The following PRNP variants were observed in gnomAD, a reference collection of about 807,000 sequenced individuals.
PRNP encodes major prion protein.
A neutral mutation model predicts 21.3 loss-of-function variants in PRNP; 15 were observed. That is an observed-to-expected ratio of 0.71 (90% CI 0.47 to 1.09). PRNP has a LOEUF of 1.09. PRNP is among the 50% of genes least tolerant of loss of function. The pLI, the probability that PRNP is intolerant of heterozygous loss-of-function variation, is 0.00. For synonymous variants in PRNP, 121 were observed against 123.1 expected, an observed-to-expected ratio of 0.98 and a Z score of 0.11; for missense variants, 285 against 340.9, an observed-to-expected ratio of 0.84 and a Z score of 1.29.
At position 4,699,634 on chromosome 20, in the gene PRNP, C is replaced by G. The variant is rs977801755; in HGVS notation, c.414C>G (p.Ile138Met). 8.1e-6 allele frequency: 13 copies of G among 1,614,094 alleles called. No individual in the cohort carries two copies. Among genetic ancestry groups the G allele is most frequent in the Non-Finnish European group, 1.0e-5 (12 of 1,180,010 alleles). ...YMLGSAMSRP[I>M]IHFGSDYEDR... ...TGGGAAGTGCCATGAGCAGGCCCAT[C>G]ATACATTTCGGCAGTGACTATGAGG... is the stretch of plus-strand genomic sequence containing the variant. The change falls in exon 2 of 2, where the codon ATC becomes ATG. Residue 138 changes from isoleucine (I) to methionine (M), a missense_variant. Ile to Met is a conservative substitution (Grantham distance 10). Transcript: ENST00000379440. This position sits in a 1 kb window ranked among gnomAD's most constrained non-coding sequence, Gnocchi z 5.8.
chr20:4,687,366 T>C (rs1199291221), intron 1 of PRNP, among the ~76,000 whole-genome samples: 1 of 152,172 alleles, frequency 6.6e-6, no homozygotes, highest in Admixed American at 6.5e-5. Context: ...GGACCCCAGC[T>C]TGGCCAGTCA....
intron 1 of PRNP, among the ~76,000 whole-genome samples, chr20:4,695,815 A>G (rs905141139): frequency 6.6e-6 from 1 of 152,224 alleles, no homozygotes; most frequent in African/African-American, 2.4e-5. Context: ...TTTCACATGT[A>G]AGTCTTGGAT....
chr20:4,693,575 C>G (rs2122211609), intron 1 of PRNP, among the ~76,000 whole-genome samples: 1 of 152,232 alleles, frequency 6.6e-6, no homozygotes, highest in South Asian at 2.1e-4. Context: ...CCCTCATGAT[C>G]TGACCCTCAC....
At chr20:4,693,455 G>A (rs76661860) in intron 1 of PRNP, among the ~76,000 whole-genome samples, 6,474 of 152,236 alleles carry the variant, frequency 0.043, 201 homozygotes, top group African/African-American at 0.087. Context: ...ATAGGCTTGA[G>A]CTGAGCTTTT....
rs141346482 is a variant in PRNP, at chr20:4,690,451, G to T, written c.-11+3939G>T. On this transcript the variant is annotated intron_variant, in intron 1 of 1. Coordinates refer to ENST00000379440, the MANE Select transcript of PRNP (RefSeq NM_000311.5). The stretch of plus-strand genomic sequence containing the variant: ...ATCTATAAATGGGAATAAGATGAAC[G>T]GGGTAATTTATAGATTTTTTAGTAC... Among the ~76,000 whole-genome samples, 373 of 152,226 alleles carry T rather than the reference G, an allele frequency of 2.5e-3. 3 individuals carry two copies. Among genetic ancestry groups the T allele is most frequent in the South Asian group, 2.9e-3 (14 of 4,826 alleles).
In PRNP at chr20:4,700,097, G is replaced by A. The variant is rs746943389; in HGVS notation, c.*115G>A. 1.2e-4 allele frequency: 191 copies of A among 1,550,058 alleles called. No individual in the cohort carries two copies. Among genetic ancestry groups the A allele is most frequent in the Middle Eastern group, 1.2e-3 (7 of 5,990 alleles). ...TCACTCTTTCTTCTCTCTTTGTCCC[G>A]GATAGGCTAATCAATACCCTTGGCA... On this transcript the variant is annotated 3_prime_UTR_variant, in exon 2 of 2. Transcript: ENST00000379440. This position sits in a 1 kb window ranked among gnomAD's most constrained non-coding sequence, Gnocchi z 4.1.
Position 4,701,431 on chromosome 20 carries a change from T to C in PRNP, c.*1449T>C, listed in dbSNP as rs1295803722. ...TTACAATGTGCACTGAATCGTTTCA[T>C]GTAAGAATCCAAAGTGGACACCATT... On this transcript the variant is annotated 3_prime_UTR_variant, in exon 2 of 2. Coordinates refer to ENST00000379440, the MANE Select transcript of PRNP (RefSeq NM_000311.5). The surrounding 1 kb of genome is among the most constrained non-coding windows in gnomAD (Gnocchi z 4.2). 1 of 167,150 alleles carries C rather than the reference T, an allele frequency of 6.0e-6. No individual in the cohort carries two copies. Among genetic ancestry groups the C allele is most frequent in the African/African-American group, 2.4e-5 (1 of 41,478 alleles). 10.4% of individuals were successfully genotyped at this position (167,150 alleles called of 1,614,324 possible).
chr20:4,698,637 T>C (rs919918801), intron 1 of PRNP, among the ~76,000 whole-genome samples: 2 of 152,074 alleles, frequency 1.3e-5, no homozygotes, highest in African/African-American at 4.8e-5. Flanking sequence ...CAATTGCAGA[T>C]CATCCCAGCA....
Position 4,700,019 on chromosome 20 carries a change from T to C in PRNP, c.*37T>C, listed in dbSNP as rs1922497839. 6.4e-7 allele frequency: 1 copy of C among 1,568,672 alleles called. No individual in the cohort carries two copies. The highest frequency in any genetic ancestry group is 8.6e-7 in the Non-Finnish European group (1 of 1,156,174). ...CTGTTTTCACCATCTTTCTAATCTT[T>C]TTCCAGCTTGAGGGAGGCGGTATCC... On this transcript the variant is annotated 3_prime_UTR_variant, in exon 2 of 2. Transcript: ENST00000379440. This position sits in a 1 kb window ranked among gnomAD's most constrained non-coding sequence, Gnocchi z 4.1.
chr20:4,699,092 G>A lies in PRNP; in HGVS notation c.-10-119G>A. The A allele has an allele frequency of 8.2e-7, 1 of 1,222,906 alleles. No individual in the cohort carries two copies. Among genetic ancestry groups the A allele is most frequent in the Non-Finnish European group, 1.2e-6 (1 of 839,538 alleles). The allele number at this position is 1,222,906 out of a possible 1,614,324, so 75.8% of individuals were successfully genotyped here. Reference sequence around the variant, plus strand: ...AAGTGCTTCAGAGAAGTACAGGGTGGCAACAGTGTTTCTACTGAGCAGCTG... The same window carrying A: ...AAGTGCTTCAGAGAAGTACAGGGTGACAACAGTGTTTCTACTGAGCAGCTG... On this transcript the variant is annotated intron_variant, in intron 1 of 1. Transcript: ENST00000379440. The surrounding 1 kb of genome is among the most constrained non-coding windows in gnomAD (Gnocchi z 5.8).
At chr20:4,695,926 A>G (rs1176899406) in intron 1 of PRNP, among the ~76,000 whole-genome samples, 1 of 152,148 alleles carries the variant, frequency 6.6e-6, no homozygotes, top group African/African-American at 2.4e-5. Context: ...CGTGGTGCCC[A>G]TGTCAGCACA....
chr20:4,691,991 T>C (rs1475075145), intron 1 of PRNP, among the ~76,000 whole-genome samples: 1 of 152,260 alleles, frequency 6.6e-6, no homozygotes, highest in Non-Finnish European at 1.5e-5. Flanking sequence ...AAGTGAAGTG[T>C]AAGTCTGATG....
intron 1 of PRNP, among the ~76,000 whole-genome samples, chr20:4,688,925 A>G (rs1921649052): frequency 1.3e-5 from 2 of 152,236 alleles, no homozygotes; most frequent in Admixed American, 1.3e-4. Context: ...AATTTTTTAG[A>G]TGAAATGGAC....
rs545247501 is a variant in PRNP, at chr20:4,697,733, T to C, written c.-10-1478T>C. Reference sequence around the variant, plus strand: ...AAGTGGCATGATGTGACCCGCATATTAAGAGGAGAGCGCTCAATGGCAGCC... The same window carrying C: ...AAGTGGCATGATGTGACCCGCATATCAAGAGGAGAGCGCTCAATGGCAGCC... On this transcript the variant is annotated intron_variant, in intron 1 of 1. Transcript: ENST00000379440. The surrounding 1 kb of genome is among the most constrained non-coding windows in gnomAD (Gnocchi z 4.6). Among the ~76,000 whole-genome samples, 1 of 152,172 alleles carries C rather than the reference T, an allele frequency of 6.6e-6. No individual in the cohort carries two copies. Among genetic ancestry groups the C allele is most frequent in the Admixed American group, 6.5e-5 (1 of 15,286 alleles).
chr20:4,693,987 A>G (rs928312290), intron 1 of PRNP, among the ~76,000 whole-genome samples: 1 of 150,414 alleles, frequency 6.6e-6, no homozygotes, highest in Non-Finnish European at 1.5e-5. Flanking sequence ...CTGTGGTCCC[A>G]GCTACTCAGG....
At chr20:4,691,617 G>T (rs1331200628) in intron 1 of PRNP, among the ~76,000 whole-genome samples, 1 of 152,192 alleles carries the variant, frequency 6.6e-6, no homozygotes, top group Non-Finnish European at 1.5e-5. Context: ...GAATCCCACT[G>T]TATCATAGTA....
chr20:4,689,657 C>T (rs971549369), intron 1 of PRNP, among the ~76,000 whole-genome samples: 1 of 152,154 alleles, frequency 6.6e-6, no homozygotes, highest in African/African-American at 2.4e-5. Context: ...CAACTATATC[C>T]ACTGTGAACT....
chr20:4,700,029 G>T lies in PRNP; in HGVS notation c.*47G>T. The T allele has an allele frequency of 6.4e-7, 1 of 1,559,778 alleles. No homozygotes were observed. The highest frequency in any genetic ancestry group is 8.7e-7 in the Non-Finnish European group (1 of 1,151,448). On this transcript the variant is annotated 3_prime_UTR_variant, in exon 2 of 2. Coordinates refer to ENST00000379440, the MANE Select transcript of PRNP (RefSeq NM_000311.5). The surrounding 1 kb of genome is among the most constrained non-coding windows in gnomAD (Gnocchi z 4.1). ...CATCTTTCTAATCTTTTTCCAGCTT[G>T]AGGGAGGCGGTATCCACCTGCAGCC...
chr20:4,699,783 C>T lies in PRNP; in HGVS notation c.563C>T (p.Thr188Met), dbSNP rs372878791. ...DCVNITIKQHTVTTTTKGENF... is the reference protein window; with the variant it reads ...DCVNITIKQHMVTTTTKGENF... Reference sequence around the variant, plus strand: ...GTCAATATCACAATCAAGCAGCACACGGTCACCACAACCACCAAGGGGGAG... The same window carrying T: ...GTCAATATCACAATCAAGCAGCACATGGTCACCACAACCACCAAGGGGGAG... Residue 188 changes from threonine (T) to methionine (M), a missense_variant, in exon 2 of 2, where the codon ACG (threonine) becomes ATG (methionine). Coordinates refer to ENST00000379440, the MANE Select transcript of PRNP (RefSeq NM_000311.5). This position sits in a 1 kb window ranked among gnomAD's most constrained non-coding sequence, Gnocchi z 5.8. 5.9e-5 allele frequency: 95 copies of T among 1,613,894 alleles called. No individual in the cohort carries two copies. The highest frequency in any genetic ancestry group is 2.4e-4 in the African/African-American group (18 of 74,860).
Sources: allele counts gnomAD v4.1 joint callset (sites outside exome capture counted in the v4.1 genomes callset), GRCh38; gene constraint gnomAD v4.1.1; non-coding constraint Gnocchi (gnomAD v3.1); transcripts MANE v1.5; gene names NCBI Gene and HGNC (gene_info 2026-07-23, HGNC 2026-07-21).